RBMS3: variants seen among roughly 807,000 people sequenced by gnomAD.
RBMS3 encodes the protein RNA binding motif single stranded interacting protein 3.
A neutral mutation model predicts 66.8 loss-of-function variants in RBMS3; 27 were observed. The observed-to-expected ratio is 0.40, with a 90% CI of 0.30 to 0.56. The LOEUF (loss-of-function observed/expected upper bound fraction) is 0.56, where lower values mean the gene tolerates loss of function less well. RBMS3 is among the 20% of genes least tolerant of loss of function. The probability of loss-of-function intolerance (pLI) is 0.40; values close to 1 mark genes in which losing one functional copy is unlikely to be tolerated. For missense variants in RBMS3, 513 were observed against 549.5 expected, an observed-to-expected ratio of 0.93 and a Z score of 0.66; for synonymous variants, 188 against 183.0, an observed-to-expected ratio of 1.03 and a Z score of -0.22.
chr3:29,762,983 A>G lies in RBMS3; in HGVS notation c.631A>G (p.Ile211Val). 1 of 1,601,508 alleles carries G rather than the reference A, an allele frequency of 6.2e-7. No homozygotes were observed. The highest frequency in any genetic ancestry group is 8.5e-7 in the Non-Finnish European group (1 of 1,171,042). Residue 211 changes from isoleucine (I) to valine (V), a missense_variant, in exon 6 of 15, where the codon ATC becomes GTC. Physicochemically the swap from Ile to Val is conservative, Grantham distance 29 (BLOSUM62 3). Coordinates refer to ENST00000383767, the MANE Select transcript of RBMS3 (RefSeq NM_001003793.3). ...NGKYLKTPPG[I>V]PAPSEPLLCK... Reference sequence around the variant, plus strand: ...AAAATATCTGAAAACACCACCAGGCATCCCAGGTAAGAAATTCACTAATAA... The same window carrying G: ...AAAATATCTGAAAACACCACCAGGCGTCCCAGGTAAGAAATTCACTAATAA...
chr3:29,354,959 T>G (rs2125566230), intron 1 of RBMS3, among the ~76,000 whole-genome samples: 1 of 152,254 alleles, frequency 6.6e-6, no homozygotes. Context: ...CATTTCATTT[T>G]CAGGTGGGAA....
Position 30,004,126 on chromosome 3 carries a change from C to A in RBMS3, c.*264C>A, listed in dbSNP as rs1455475556. The A allele has an allele frequency of 2.8e-5, 8 of 288,978 alleles. No homozygotes were observed. Among genetic ancestry groups the A allele is most frequent in the African/African-American group, 1.1e-4 (5 of 44,340 alleles). 17.9% of individuals were successfully genotyped at this position (288,978 alleles called of 1,614,324 possible). ...TTTCCAGAAGAGGAAAAAAAAACTACAAAAAACAAAACATTGAAGGTTGAT... is the reference window on the plus strand; with the variant it reads ...TTTCCAGAAGAGGAAAAAAAAACTAAAAAAAACAAAACATTGAAGGTTGAT... On this transcript the variant is annotated 3_prime_UTR_variant, in exon 15 of 15. Coordinates refer to ENST00000383767, the MANE Select transcript of RBMS3 (RefSeq NM_001003793.3).
chr3:29,974,761 A>C (rs1045701179), intron 12 of RBMS3, among the ~76,000 whole-genome samples: 1 of 148,550 alleles, frequency 6.7e-6, no homozygotes, highest in Non-Finnish European at 1.5e-5. Context: ...TTTATAGAGC[A>C]CTTTGTTTCT....
At chr3:29,350,067 A>G (rs9830676) in intron 1 of RBMS3, among the ~76,000 whole-genome samples, 82,452 of 151,288 alleles carry the variant, frequency 0.55, 22,599 homozygotes, top group East Asian at 0.6. Context: ...GGCTGAGGCA[A>G]GAGAATTGCT....
rs3836346 is a variant in RBMS3 at position 29,759,713 on chromosome 3, T to TC, written c.558-3189dup. ...GGCTATTCAAATATAGTCTCTTTCC[T>TC]CCCCCCCCAGAGCTTTCTGGGTCTC... On this transcript the variant is annotated intron_variant, in intron 5 of 14. Transcript: ENST00000383767. Among the ~76,000 whole-genome samples, 112 of 151,578 alleles carry TC rather than the reference T, an allele frequency of 7.4e-4. 2 individuals carry two copies. Among genetic ancestry groups the TC allele is most frequent in the Admixed American group, 7.9e-4 (12 of 15,192 alleles).
intron 6 of RBMS3, among the ~76,000 whole-genome samples, chr3:29,817,813 TA>T (rs761079918): frequency 6.6e-6 from 1 of 151,506 alleles, no homozygotes; most frequent in African/African-American, 2.4e-5. Flanking sequence ...TAGAATATTA[TA>T]AAAAAAACAA....
At chr3:29,607,842 A>G (rs1035692116) in intron 4 of RBMS3, among the ~76,000 whole-genome samples, 1 of 152,014 alleles carries the variant, frequency 6.6e-6, no homozygotes, top group Non-Finnish European at 1.5e-5. Flanking sequence ...TAAATTTTGT[A>G]TATTCCTTTA....
intron 1 of RBMS3, among the ~76,000 whole-genome samples, chr3:29,330,249 C>T (rs148681932): frequency 1.2e-3 from 182 of 152,262 alleles, no homozygotes; most frequent in African/African-American, 4.3e-3. Flanking sequence ...CTACAAAAAT[C>T]TGCCTTCCTG....
chr3:29,811,798 C>CT (rs1253238426), intron 6 of RBMS3, among the ~76,000 whole-genome samples: 1 of 152,114 alleles, frequency 6.6e-6, no homozygotes, highest in Non-Finnish European at 1.5e-5. Context: ...CAAAAATGTT[C>CT]TTTTTTTCTC....
chr3:29,562,229 A>G (rs1283136339), intron 3 of RBMS3, among the ~76,000 whole-genome samples: 1 of 152,104 alleles, frequency 6.6e-6, no homozygotes, highest in Non-Finnish European at 1.5e-5. Flanking sequence ...GGGCCCTGCA[A>G]TAAACTGATA....
intron 4 of RBMS3, among the ~76,000 whole-genome samples, chr3:29,605,063 T>A (rs1029210001): frequency 2.6e-5 from 4 of 151,974 alleles, no homozygotes; most frequent in African/African-American, 9.7e-5. Flanking sequence ...TTGCATTGAA[T>A]ATTATGGTTC....
At chr3:29,634,854 C>G (rs954449681) in intron 4 of RBMS3, among the ~76,000 whole-genome samples, 2 of 151,932 alleles carry the variant, frequency 1.3e-5, no homozygotes, top group South Asian at 4.2e-4. Context: ...GCATTTTACT[C>G]CTCACTGACA....
chr3:29,361,976 C>T (rs1029251044), intron 1 of RBMS3, among the ~76,000 whole-genome samples: 5 of 152,280 alleles, frequency 3.3e-5, no homozygotes, highest in Admixed American at 2.0e-4. Flanking sequence ...TTTTTAACTT[C>T]TTTGCAATGG....
intron 6 of RBMS3, among the ~76,000 whole-genome samples, chr3:29,803,915 A>C (rs1423737692): frequency 1.3e-5 from 2 of 152,082 alleles, no homozygotes; most frequent in Non-Finnish European, 2.9e-5. Flanking sequence ...TATTTTATGC[A>C]TCCAGAGTGC....
chr3:29,882,476 G>A (rs971545602), intron 7 of RBMS3, among the ~76,000 whole-genome samples: 1 of 151,986 alleles, frequency 6.6e-6, no homozygotes, highest in Non-Finnish European at 1.5e-5. Context: ...TGTTCTCAGT[G>A]CACCTCTGTT....
chr3:29,956,368 C>T (rs1318354689), intron 12 of RBMS3, among the ~76,000 whole-genome samples: 1 of 152,006 alleles, frequency 6.6e-6, no homozygotes, highest in Non-Finnish European at 1.5e-5. Flanking sequence ...TGATGAATTC[C>T]ACCTTCTATG....
intron 4 of RBMS3, among the ~76,000 whole-genome samples, chr3:29,716,669 C>T (rs2053408021): frequency 6.6e-6 from 1 of 152,034 alleles, no homozygotes; most frequent in African/African-American, 2.4e-5. Context: ...GAAACCTTCC[C>T]CTTGTGTAGG....
Position 29,718,260 on chromosome 3 carries a change from A to G in RBMS3, c.400-21460A>G, listed in dbSNP as rs17024263. Among the ~76,000 whole-genome samples the G allele has an allele frequency of 8.2e-3, 1,247 of 152,188 alleles. 24 individuals carry two copies. The highest frequency in any genetic ancestry group is 0.063 in the East Asian group (325 of 5,170). ...TATGTAGACTTTTTGTTCTTTCTCC[A>G]TACATTCAAGTCTATATGCTTCTAT... On this transcript the variant is annotated intron_variant, in intron 4 of 14. Coordinates refer to ENST00000383767, the MANE Select transcript of RBMS3 (RefSeq NM_001003793.3).
rs1162236796 is a variant in RBMS3, at chr3:29,473,997, G to T, written c.249-14444G>T. Among the ~76,000 whole-genome samples the T allele has an allele frequency of 1.3e-5, 2 of 152,258 alleles. 1 individual carries two copies. The highest frequency in any genetic ancestry group is 1.3e-4 in the Admixed American group (2 of 15,294). Reference sequence around the variant, plus strand: ...AGCTCCTCAAGCGCCACCAAAGTGGGAGTCCAGGCAGAGGAGAGGCCGAGA... The same window carrying T: ...AGCTCCTCAAGCGCCACCAAAGTGGTAGTCCAGGCAGAGGAGAGGCCGAGA... On this transcript the variant is annotated intron_variant, in intron 2 of 14. Transcript: ENST00000383767.
Sources: gnomAD v4.1 joint callset for allele counts (sites outside exome capture counted in the v4.1 genomes callset) on GRCh38, gnomAD v4.1.1 for gene constraint, MANE v1.5 for transcripts, NCBI Gene and HGNC (gene_info 2026-07-23, HGNC 2026-07-21) for gene names.